Variants in NBAS observed in about 807,000 individuals in gnomAD.
NBAS encodes the protein NAG/BC035112 fusion.
A neutral mutation model predicts 302.5 loss-of-function variants in NBAS; 219 were observed. That is an observed-to-expected ratio of 0.72 (90% CI 0.65 to 0.81). The LOEUF (loss-of-function observed/expected upper bound fraction) is 0.81, where lower values mean the gene tolerates loss of function less well. Ranked by LOEUF, NBAS falls within the 30% of genes least tolerant of loss-of-function variation. The probability of loss-of-function intolerance (pLI) is 0.00; values close to 1 mark genes in which losing one functional copy is unlikely to be tolerated. For missense variants in NBAS, 2,932 were observed against 2,841.6 expected, an observed-to-expected ratio of 1.03 and a Z score of -0.72; for synonymous variants, 1,118 against 1,021.6, an observed-to-expected ratio of 1.09 and a Z score of -1.80.
the NBAS span, among the ~76,000 whole-genome samples, chr2:15,073,076 A>G: frequency 2.4e-4 from 37 of 152,212 alleles, no homozygotes; most frequent in African/African-American, 8.9e-4. Context: ...GTGAGCTGAG[A>G]TCGCACTGCT....
intron 38 of NBAS, among the ~76,000 whole-genome samples, chr2:15,320,975 C>T (rs1353618814): frequency 2.0e-5 from 3 of 152,238 alleles, no homozygotes; most frequent in East Asian, 1.9e-4. Flanking sequence ...GGAAGCATTA[C>T]GTTACCTGAC....
chr2:15,142,152 T>C, the NBAS span, among the ~76,000 whole-genome samples: 1 of 152,074 alleles, frequency 6.6e-6, no homozygotes, highest in Non-Finnish European at 1.5e-5. Context: ...GAGGAGTGCA[T>C]GTCAGAGGTA....
the NBAS span, among the ~76,000 whole-genome samples, chr2:14,867,880 A>T: frequency 9.2e-5 from 14 of 152,340 alleles, no homozygotes; most frequent in African/African-American, 3.4e-4. Context: ...ATGGTTTAGA[A>T]TTATTAAATG....
the NBAS span, among the ~76,000 whole-genome samples, chr2:15,035,852 G>A: frequency 2.6e-5 from 4 of 152,032 alleles, no homozygotes; most frequent in African/African-American, 9.7e-5. Flanking sequence ...GTGGGAGAAC[G>A]AGGCCTGTAG....
chr2:15,301,308 T>C (rs1355000418), intron 40 of NBAS, among the ~76,000 whole-genome samples: 1 of 152,238 alleles, frequency 6.6e-6, no homozygotes, highest in Non-Finnish European at 1.5e-5. Context: ...GTATCTTCTA[T>C]AAAGAAGATT....
At chr2:15,505,154 G>T (rs563939437) in intron 10 of NBAS, among the ~76,000 whole-genome samples, 1 of 152,286 alleles carries the variant, frequency 6.6e-6, no homozygotes, top group Non-Finnish European at 1.5e-5. Context: ...CATTGCTCCT[G>T]CTAAAACCTA....
chr2:15,454,812 T>C (rs1679175617), intron 21 of NBAS, among the ~76,000 whole-genome samples: 1 of 152,162 alleles, frequency 6.6e-6, no homozygotes, highest in African/African-American at 2.4e-5. Context: ...TCACCTTCCA[T>C]AAGCAAGGTC....
At chr2:15,443,024 C>T (rs1476493420) in intron 21 of NBAS, among the ~76,000 whole-genome samples, 3 of 151,484 alleles carry the variant, frequency 2.0e-5, no homozygotes, top group Non-Finnish European at 4.4e-5. Context: ...GCTTACCAAC[C>T]AAAAAGAGTC....
Position 15,475,669 on chromosome 2 carries a change from A to G in NBAS, c.1341+18T>C, listed in dbSNP as rs1182884565. 8 of 1,613,034 alleles carry G rather than the reference A, an allele frequency of 5.0e-6. No homozygotes were observed. The highest frequency in any genetic ancestry group is 1.1e-5 in the South Asian group (1 of 91,046). On this transcript the variant is annotated intron_variant, in intron 14 of 51. Transcript: ENST00000281513. ...TTAAATACATAACTATTCTCAAACA[A>G]ACAGGAAAAAGCCTTACCTCCAAAC...
intron 45 of NBAS, among the ~76,000 whole-genome samples, chr2:15,236,235 T>C (rs866986236): frequency 4.4e-4 from 67 of 152,156 alleles, no homozygotes; most frequent in African/African-American, 1.5e-3. Context: ...AATAATCCCC[T>C]TGAATCCCCC....
chr2:15,164,583 T>C (rs183822375), downstream of NBAS, among the ~76,000 whole-genome samples: 1 of 151,898 alleles, frequency 6.6e-6, no homozygotes, highest in Non-Finnish European at 1.5e-5. Flanking sequence ...AGCAAAGCTA[T>C]AGAATCTGAG....
intron 32 of NBAS, among the ~76,000 whole-genome samples, chr2:15,359,175 C>A (rs1673776435): frequency 6.6e-6 from 1 of 151,930 alleles, no homozygotes; most frequent in Non-Finnish European, 1.5e-5. Context: ...GTATATAAAC[C>A]TTACTTCTTG....
At chr2:15,427,895 C>T (rs754698990) in intron 21 of NBAS, 101 bp from the exon 22 acceptor site, 23 of 849,670 alleles carry the variant, frequency 2.7e-5, no homozygotes, top group Non-Finnish European at 4.2e-5. Context: ...ACATTAATAT[C>T]TAAGATTCAT....
chr2:15,273,442 C>T (rs1474836929), intron 44 of NBAS, among the ~76,000 whole-genome samples: 1 of 152,192 alleles, frequency 6.6e-6, no homozygotes, highest in African/African-American at 2.4e-5. Context: ...TTCCAGGTCC[C>T]CTGACTCTAG....
chr2:15,325,739 T>C (rs949564254), intron 38 of NBAS, among the ~76,000 whole-genome samples: 3 of 152,176 alleles, frequency 2.0e-5, no homozygotes, highest in East Asian at 3.9e-4. Flanking sequence ...TTCACTGGAG[T>C]GGCACTTTTA....
intron 48 of NBAS, among the ~76,000 whole-genome samples, chr2:15,217,043 A>AC (rs1316198361): frequency 6.6e-6 from 1 of 152,192 alleles, no homozygotes; most frequent in East Asian, 1.9e-4. Context: ...TGCCACATGA[A>AC]CCTTCATGTT....
chr2:14,840,993 A>G, the NBAS span, among the ~76,000 whole-genome samples: 6 of 152,038 alleles, frequency 3.9e-5, no homozygotes, highest in South Asian at 2.1e-4. Flanking sequence ...GTGATAGGCA[A>G]TATAAAAATA....
chr2:15,451,708 C>G (rs759008621), intron 21 of NBAS, among the ~76,000 whole-genome samples: 1 of 152,078 alleles, frequency 6.6e-6, no homozygotes, highest in South Asian at 2.1e-4. Flanking sequence ...AAAGTCTCCA[C>G]GTTTGCCTAT....
chr2:15,120,827 T>C, the NBAS span, among the ~76,000 whole-genome samples: 1 of 152,238 alleles, frequency 6.6e-6, no homozygotes, highest in South Asian at 2.1e-4. Context: ...CCTTTCTCTT[T>C]ACCACACGCG....
Sources: allele counts gnomAD v4.1 joint callset (sites outside exome capture counted in the v4.1 genomes callset), GRCh38; gene constraint gnomAD v4.1.1; transcripts MANE v1.5; gene names NCBI Gene and HGNC (gene_info 2026-07-23, HGNC 2026-07-21).